The following DRAXIN variants were observed in gnomAD, a reference collection of about 807,000 sequenced individuals.
DRAXIN encodes dorsal repulsive axon guidance protein.
In DRAXIN, 27 loss-of-function variants were observed where a neutral mutation model predicts 33.9. The observed-to-expected ratio is 0.80, with a 90% CI of 0.59 to 1.10. The LOEUF is 1.10. DRAXIN is among the 50% of genes least tolerant of loss of function. The probability of loss-of-function intolerance (pLI) is 0.00; values close to 1 mark genes in which losing one functional copy is unlikely to be tolerated. For missense variants in DRAXIN, 371 were observed against 460.8 expected (o/e 0.81, Z 1.78); for synonymous variants, 178 against 194.0 (o/e 0.92, Z 0.69).
Position 11,711,851 on chromosome 1 carries a change from C to A in DRAXIN, c.643C>A (p.Gln215Lys). 1 of 1,612,064 alleles carries A rather than the reference C, an allele frequency of 6.2e-7. No homozygotes were observed. The highest frequency in any genetic ancestry group is 2.2e-5 in the East Asian group (1 of 44,848). The change falls in exon 4 of 7, where the codon CAG (glutamine) becomes AAG (lysine). Residue 215 changes from glutamine (Q) to lysine (K), a missense_variant and splice_region_variant. Coordinates refer to ENST00000294485, the MANE Select transcript of DRAXIN (RefSeq NM_198545.4). ...ILPVTSLRPQ[Q>K]AQPRSDGEVM... ...CATCCCCCTTCTCCACGGTCTCCAG[C>A]AGGCACAGCCCAGGTCTGACGGGGA...
In DRAXIN at chr1:11,711,959, A is replaced by G; in HGVS notation, c.751A>G (p.Lys251Glu). ...LKPDGWPSAK[K>E]KEKHRGKLSS... ...ACCTGATGGTTGGCCCTCTGCAAAG[A>G]AGAAAGGTATGCCCACCTACCCCAC... The change falls in exon 4 of 7, where the codon AAG (lysine) becomes GAG (glutamate). Residue 251 changes from lysine to glutamate, a missense_variant. Coordinates refer to ENST00000294485, the MANE Select transcript of DRAXIN (RefSeq NM_198545.4). The G allele has an allele frequency of 6.2e-7, 1 of 1,612,330 alleles. No individual in the cohort carries two copies. The highest frequency in any genetic ancestry group is 8.5e-7 in the Non-Finnish European group (1 of 1,179,120).
chr1:11,712,546 AAAT>A (rs1321805485), intron 5 of DRAXIN, 117 bp downstream of exon 5: 3 of 961,720 alleles, frequency 3.1e-6, no homozygotes, highest in Non-Finnish European at 4.8e-6. Flanking sequence ...CATGGATGAT[AAAT>A]AATAACAACA....
At chr1:11,699,835 GA>G (rs1165776552) in intron 1 of DRAXIN, among the ~76,000 whole-genome samples, 1 of 152,120 alleles carries the variant, frequency 6.6e-6, no homozygotes. Context: ...GCTAAGGCAG[GA>G]GAATCGTTTG....
chr1:11,695,963 T>C (rs1641184795), intron 1 of DRAXIN, among the ~76,000 whole-genome samples: 1 of 152,026 alleles, frequency 6.6e-6, no homozygotes. Flanking sequence ...AGGTCTGGGG[T>C]GGGTTGAAAA....
intron 3 of DRAXIN, 152 bp downstream of exon 3, chr1:11,709,617 G>C: frequency 9.6e-7 from 1 of 1,043,590 alleles, no homozygotes. Context: ...TGCCCATCCA[G>C]TCTAGCTCCA....
intron 3 of DRAXIN, among the ~76,000 whole-genome samples, 173 bp downstream of exon 3, chr1:11,709,638 G>A (rs1641445613): frequency 1.3e-5 from 2 of 152,176 alleles, no homozygotes; most frequent in Admixed American, 1.3e-4. Flanking sequence ...GCCCTGGTGG[G>A]TGCCCCATCC....
At chr1:11,702,602 C>T (rs1250533685) in intron 1 of DRAXIN, among the ~76,000 whole-genome samples, 1 of 150,492 alleles carries the variant, frequency 6.6e-6, no homozygotes, top group Non-Finnish European at 1.5e-5. Context: ...CATATTCACG[C>T]TTACACATGA....
intron 1 of DRAXIN, among the ~76,000 whole-genome samples, chr1:11,703,611 T>C (rs929578271): frequency 5.9e-5 from 9 of 152,040 alleles, no homozygotes; most frequent in Non-Finnish European, 7.4e-5. Context: ...CAGATAAGGG[T>C]CACAACCCGA....
Position 11,705,442 on chromosome 1 carries a change from G to A in DRAXIN, c.-10-807G>A, listed in dbSNP as rs926492065. On this transcript the variant is annotated intron_variant, in intron 1 of 6. Coordinates refer to ENST00000294485, the MANE Select transcript of DRAXIN (RefSeq NM_198545.4). This position sits in a 1 kb window ranked among gnomAD's most constrained non-coding sequence, Gnocchi z 4.8. The stretch of plus-strand genomic sequence containing the variant: ...CGGGTTGGCTCAGTCTACCCTGCAG[G>A]GGTCAGAGCCAAGTCTGCAAAGCTG... 6.6e-5 allele frequency among the ~76,000 whole-genome samples: 10 copies of A among 152,068 alleles called. No individual in the cohort carries two copies. Among genetic ancestry groups the A allele is most frequent in the Non-Finnish European group, 1.5e-4 (10 of 67,996 alleles).
intron 1 of DRAXIN, among the ~76,000 whole-genome samples, chr1:11,701,827 G>A (rs995533239): frequency 2.6e-5 from 4 of 152,220 alleles, no homozygotes; most frequent in Non-Finnish European, 5.9e-5. Context: ...TGACAGAAAT[G>A]GATTGGAGCC....
At position 11,696,433 on chromosome 1, in the gene DRAXIN, A is replaced by C. The variant is rs546700217; in HGVS notation, c.-11+4580A>C. ...AAACCCCGTCTCTACTAAAAATACAAAAATTAGCCGGGCATGGTGGTGGGA... is the reference window on the plus strand; with the variant it reads ...AAACCCCGTCTCTACTAAAAATACACAAATTAGCCGGGCATGGTGGTGGGA... On this transcript the variant is annotated intron_variant, in intron 1 of 6. Transcript: ENST00000294485. This position sits in a 1 kb window ranked among gnomAD's most constrained non-coding sequence, Gnocchi z 4.7. Among the ~76,000 whole-genome samples the C allele has an allele frequency of 2.3e-4, 35 of 152,278 alleles. No individual in the cohort carries two copies. The highest frequency in any genetic ancestry group is 7.9e-4 in the African/African-American group (33 of 41,576).
Position 11,706,440 on chromosome 1 carries a change from G to A in DRAXIN, c.182G>A (p.Gly61Asp). ...CAGGCCAGCCACCACCGCCGGCGGG[G>A]CCCGGGCAAGAAGGAGTGGGGCCCA... ...TPQASHHRRR[G>D]PGKKEWGPGL... is the part of the protein sequence containing the mutation. The change falls in exon 2 of 7, where the codon GGC (glycine) becomes GAC (aspartate). Residue 61 changes from glycine (G) to aspartate (D), a missense_variant. Transcript: ENST00000294485. This position sits in a 1 kb window ranked among gnomAD's most constrained non-coding sequence, Gnocchi z 5.5. The A allele has an allele frequency of 6.2e-7, 1 of 1,611,518 alleles. No individual in the cohort carries two copies. The highest frequency in any genetic ancestry group is 8.5e-7 in the Non-Finnish European group (1 of 1,179,316).
Position 11,721,141 on chromosome 1 carries a change from C to A in DRAXIN, c.*1445C>A, listed in dbSNP as rs545532721. 1 of 152,302 alleles carries A rather than the reference C, an allele frequency of 6.6e-6. No individual in the cohort carries two copies. The highest frequency in any genetic ancestry group is 6.5e-5 in the Admixed American group (1 of 15,284). 9.4% of individuals were successfully genotyped at this position (152,302 alleles called of 1,614,324 possible). ...GATGCAAGCATGGAATCCAAAAAAA[C>A]CCCACACATATTGCCCATGTTTACC... is the stretch of plus-strand genomic sequence containing the variant. On this transcript the variant is annotated 3_prime_UTR_variant, in exon 7 of 7. Transcript: ENST00000294485.
chr1:11,687,063 AT>A (rs1011806035), upstream of DRAXIN, among the ~76,000 whole-genome samples: 4 of 151,770 alleles, frequency 2.6e-5, no homozygotes, highest in Non-Finnish European at 5.9e-5. The surrounding 1 kb of genome is among the most constrained non-coding windows in gnomAD (Gnocchi z 4.1). Context: ...CAATTTTTTT[AT>A]TTTTTTATTT....
At chr1:11,707,886 T>C (rs1456697979) in intron 2 of DRAXIN, among the ~76,000 whole-genome samples, 2 of 152,214 alleles carry the variant, frequency 1.3e-5, no homozygotes, top group Non-Finnish European at 2.9e-5. Context: ...GGAACTTGGC[T>C]TCTAAGCTCT....
upstream of DRAXIN, among the ~76,000 whole-genome samples, chr1:11,691,126 T>A (rs1409730201): frequency 6.6e-6 from 1 of 152,296 alleles, no homozygotes; most frequent in East Asian, 1.9e-4. Flanking sequence ...TTTCTGCGGC[T>A]ACAAAGGCCC....
chr1:11,701,505 C>T (rs2100733142), intron 1 of DRAXIN, among the ~76,000 whole-genome samples: 1 of 152,354 alleles, frequency 6.6e-6, no homozygotes, highest in Non-Finnish European at 1.5e-5. Context: ...ACAGCAGCTC[C>T]TACAATTACG....
chr1:11,724,142 T>G lies in DRAXIN; in HGVS notation c.*4446T>G, dbSNP rs1055887149. The stretch of plus-strand genomic sequence containing the variant: ...GTACGGTTCCATGGTCAGAGAGGTT[T>G]GGAAAACTGTTCTGGCCTCAGCCCT... On this transcript the variant is annotated 3_prime_UTR_variant, in exon 7 of 7. Coordinates refer to ENST00000294485, the MANE Select transcript of DRAXIN (RefSeq NM_198545.4). 1 of 152,254 alleles carries G rather than the reference T, an allele frequency of 6.6e-6. No individual in the cohort carries two copies. The highest frequency in any genetic ancestry group is 1.5e-5 in the Non-Finnish European group (1 of 68,056). The allele number at this position is 152,254 out of a possible 1,614,324, so 9.4% of individuals were successfully genotyped here.
intron 6 of DRAXIN, among the ~76,000 whole-genome samples, chr1:11,715,728 G>A (rs1261718606): frequency 6.6e-6 from 1 of 152,168 alleles, no homozygotes; most frequent in African/African-American, 2.4e-5. Flanking sequence ...TGGGCTCTGT[G>A]CTGAGCACTT....
Sources: allele counts gnomAD v4.1 joint callset (sites outside exome capture counted in the v4.1 genomes callset), GRCh38; gene constraint gnomAD v4.1.1; non-coding constraint Gnocchi (gnomAD v3.1); transcripts MANE v1.5; gene names NCBI Gene and HGNC (gene_info 2026-07-23, HGNC 2026-07-21).